The following EPB41L3 variants were observed in gnomAD, a reference collection of about 807,000 sequenced individuals.
The protein encoded by EPB41L3 is band 4.1-like protein 3.
EPB41L3 carries 57 observed loss-of-function variants against 127.1 expected under a neutral mutation model. The observed-to-expected ratio is 0.45, with a 90% CI of 0.36 to 0.56. EPB41L3 has a LOEUF of 0.56. Ranked by LOEUF, EPB41L3 falls within the 20% of genes least tolerant of loss-of-function variation. The probability of loss-of-function intolerance (pLI) is 0.00; values close to 1 mark genes in which losing one functional copy is unlikely to be tolerated. For synonymous variants in EPB41L3, 572 were observed against 549.5 expected (o/e 1.04, Z -0.57); for missense variants, 1,273 against 1,372.2 (o/e 0.93, Z 1.14).
intron 1 of EPB41L3, 23 bp from the exon 2 acceptor site, chr18:5,489,217 A>G: frequency 6.3e-7 from 1 of 1,581,454 alleles, no homozygotes; most frequent in Non-Finnish European, 8.5e-7. Context: ...AAAAGGGAAG[A>G]GCAGGTCACT....
chr18:5,485,839 G>A (rs1304715515), intron 2 of EPB41L3, among the ~76,000 whole-genome samples: 1 of 151,858 alleles, frequency 6.6e-6, no homozygotes, highest in African/African-American at 2.4e-5. Flanking sequence ...AAATTGAAGA[G>A]AATGCAAAAA....
chr18:5,518,298 C>T (rs1005837251), intron 1 of EPB41L3, among the ~76,000 whole-genome samples: 2 of 152,060 alleles, frequency 1.3e-5, no homozygotes, highest in South Asian at 2.1e-4. Context: ...CCTAGAGCCT[C>T]GCACTGTAAT....
At chr18:5,596,604 T>C (rs1719944) in intron 3 of EPB41L3, among the ~76,000 whole-genome samples, 62,621 of 152,006 alleles carry the variant, frequency 0.41, 13,390 homozygotes, top group Non-Finnish European at 0.47. Flanking sequence ...TACCTGATAT[T>C]GCTGAGGTTA....
chr18:5,444,709 G>A (rs1418568253), intron 4 of EPB41L3, among the ~76,000 whole-genome samples: 2 of 152,142 alleles, frequency 1.3e-5, no homozygotes, highest in African/African-American at 4.8e-5. Context: ...CAGCAGCAAT[G>A]GTGAACTGCC....
Position 5,605,406 on chromosome 18 carries a change from A to G in EPB41L3, c.-306+6934T>C, listed in dbSNP as rs185287087. 3.5e-3 allele frequency among the ~76,000 whole-genome samples: 533 copies of G among 151,852 alleles called. 2 individuals are homozygous for G. Among genetic ancestry groups the G allele is most frequent in the Non-Finnish European group, 4.9e-3 (331 of 67,922 alleles). On this transcript the variant is annotated intron_variant, in intron 3 of 21. Transcript: ENST00000545076. Reference sequence around the variant, plus strand: ...TTTTATTTTTCTTTATTTTTTTTAGATGGAGTCTGCTGCCCAGGCTGGAGT... The same window carrying G: ...TTTTATTTTTCTTTATTTTTTTTAGGTGGAGTCTGCTGCCCAGGCTGGAGT...
rs551696175 is a variant in EPB41L3, at chr18:5,430,428, G to A, written c.913-1963C>T. Among the ~76,000 whole-genome samples, 4 of 152,124 alleles carry A rather than the reference G, an allele frequency of 2.6e-5. No individual in the cohort carries two copies. The South Asian group carries it at 6.2e-4, about 24-fold the overall frequency. The stretch of plus-strand genomic sequence containing the variant: ...ATAGAGGTTAATGAAAAATGAAAAC[G>A]GCACAAACGAGTGCAGTTTTAAATT... On this transcript the variant is annotated intron_variant, in intron 8 of 22. Transcript: ENST00000341928.
Position 5,543,920 on chromosome 18 carries a change from C to G in EPB41L3, c.-19G>C. On this transcript the variant is annotated 5_prime_UTR_variant, in exon 1 of 23. Coordinates refer to ENST00000341928, the MANE Select transcript of EPB41L3 (RefSeq NM_012307.5). The surrounding 1 kb of genome is among the most constrained non-coding windows in gnomAD (Gnocchi z 5.2). ...GAGAGGCGGAAAAGTTACCTGGGAT[C>G]AGCAGGGAGCCCGGGCGCGCCGCGG... The G allele has an allele frequency of 1.0e-6, 1 of 985,620 alleles. No individual in the cohort carries two copies. The highest frequency in any genetic ancestry group is 1.2e-6 in the Non-Finnish European group (1 of 830,040). The allele number at this position is 985,620 out of a possible 1,614,324, so 61.1% of individuals were successfully genotyped here.
chr18:5,489,919 C>T (rs2090388215), intron 1 of EPB41L3, among the ~76,000 whole-genome samples: 1 of 152,198 alleles, frequency 6.6e-6, no homozygotes, highest in Non-Finnish European at 1.5e-5. Flanking sequence ...ACTCAAACAA[C>T]AGATCTTAAT....
At chr18:5,587,936 A>AGG (rs2094454424) in intron 3 of EPB41L3, among the ~76,000 whole-genome samples, 1 of 152,010 alleles carries the variant, frequency 6.6e-6, no homozygotes, top group Admixed American at 6.6e-5. Context: ...ATCCCTTAAG[A>AGG]TAATACCTAA....
At chr18:5,552,458 A>G (rs1055827544) in intron 3 of EPB41L3, among the ~76,000 whole-genome samples, 8 of 152,252 alleles carry the variant, frequency 5.3e-5, no homozygotes, top group African/African-American at 1.7e-4. Flanking sequence ...GATGATGAAT[A>G]ATAGAAGGTT....
At chr18:5,403,720 T>G (rs921057319) in intron 16 of EPB41L3, among the ~76,000 whole-genome samples, 1 of 152,172 alleles carries the variant, frequency 6.6e-6, no homozygotes, top group Admixed American at 6.5e-5. Flanking sequence ...TTTTAAAAAT[T>G]GAGTTAAATA....
chr18:5,527,708 G>A (rs1019177025), intron 1 of EPB41L3, among the ~76,000 whole-genome samples: 6 of 152,202 alleles, frequency 3.9e-5, no homozygotes, highest in East Asian at 1.9e-4. Flanking sequence ...TACACTAAGC[G>A]GCAAAGGATG....
At chr18:5,580,067 T>G (rs1008477046) in intron 3 of EPB41L3, among the ~76,000 whole-genome samples, 5 of 152,212 alleles carry the variant, frequency 3.3e-5, no homozygotes, top group African/African-American at 9.6e-5. Flanking sequence ...CATACAATTA[T>G]GATGAAAGAT....
chr18:5,625,019 G>T (rs917603722), intron 1 of EPB41L3, among the ~76,000 whole-genome samples: 8 of 152,080 alleles, frequency 5.3e-5, no homozygotes, highest in Non-Finnish European at 1.0e-4. Context: ...CAAACCTAAA[G>T]GCATGCATAG....
intron 3 of EPB41L3, among the ~76,000 whole-genome samples, chr18:5,564,524 G>A (rs1273888494): frequency 6.6e-6 from 1 of 152,130 alleles, no homozygotes; most frequent in Non-Finnish European, 1.5e-5. Context: ...TGGGATTATG[G>A]AGCCGATGGT....
chr18:5,541,482 ATATAC>A (rs942450881), intron 1 of EPB41L3, among the ~76,000 whole-genome samples: 1 of 143,362 alleles, frequency 7.0e-6, no homozygotes, highest in African/African-American at 2.8e-5. Flanking sequence ...ACTTAATCTA[ATATAC>A]TATATAAGTC....
chr18:5,576,593 T>C (rs1410595182), intron 3 of EPB41L3, among the ~76,000 whole-genome samples: 2 of 152,168 alleles, frequency 1.3e-5, no homozygotes, highest in African/African-American at 4.8e-5. Context: ...TTGAAATATA[T>C]TTTCCCAAGG....
At chr18:5,630,412 G>A (rs764554906), upstream of EPB41L3, 3 of 518,890 alleles carry the variant, frequency 5.8e-6, no homozygotes, top group Non-Finnish European at 1.2e-5. Flanking sequence ...GGCCCCTCCC[G>A]GAGCTTGTTC....
chr18:5,478,546 T>A, intron 2 of EPB41L3, 108 bp from the exon 3 acceptor site: 1 of 896,536 alleles, frequency 1.1e-6, no homozygotes, highest in Non-Finnish European at 1.7e-6. Context: ...GGAGAGGTAT[T>A]GAATTAGGAT....
Sources: allele counts gnomAD v4.1 joint callset (sites outside exome capture counted in the v4.1 genomes callset), GRCh38; gene constraint gnomAD v4.1.1; non-coding constraint Gnocchi (gnomAD v3.1); transcripts MANE v1.5; gene names NCBI Gene and HGNC (gene_info 2026-07-23, HGNC 2026-07-21).